Variants in ZNF85 observed in about 807,000 individuals in gnomAD.
ZNF85 encodes zinc finger protein 85, also known as zinc finger protein 85 (HPF4, HTF1).
ZNF85 carries 50 observed loss-of-function variants against 53.9 expected under a neutral mutation model. The ratio of observed to expected loss-of-function variants is 0.93; its 90% CI spans 0.74 to 1.17. ZNF85 has a LOEUF of 1.17. ZNF85 is among the 50% of genes most tolerant of loss of function. The pLI is 0.00. For missense variants in ZNF85, 747 were observed against 688.5 expected (o/e 1.08, Z -0.95); for synonymous variants, 225 against 226.1 (o/e 1.00, Z 0.04).
At chr19:20,946,331 A>G (rs908805873) in intron 3 of ZNF85, 4 of 430,620 alleles carry the variant, frequency 9.3e-6, no homozygotes, top group Admixed American at 5.1e-5. Flanking sequence ...CGTATGAGCT[A>G]TTGAGAAAGG....
chr19:20,947,488 C>CTTTTTTTT lies in ZNF85; in HGVS notation c.230-1234_230-1227dup, dbSNP rs768097517. On this transcript the variant is annotated intron_variant, in intron 3 of 3. Transcript: ENST00000328178. ...GTAGGGCATATGCAGTGCCAATACACTTTTTTTTTTTTTTTTTTTTTTTTT... is the reference window on the plus strand; with the variant it reads ...GTAGGGCATATGCAGTGCCAATACACTTTTTTTTTTTTTTTTTTTTTTTTTTTTTTTTT... 4.3e-4 allele frequency among the ~76,000 whole-genome samples: 22 copies of CTTTTTTTT among 51,636 alleles called. 3 individuals are homozygous for CTTTTTTTT. The highest frequency in any genetic ancestry group is 1.6e-3 in the African/African-American group (19 of 11,932). The allele number at this position is 51,636 out of a possible 152,430, so 33.9% of individuals were successfully genotyped here.
At chr19:20,943,625 G>T (rs2144658364) in intron 3 of ZNF85, 1 of 152,130 alleles carries the variant, frequency 6.6e-6, no homozygotes. Context: ...CTGTAACGTT[G>T]TCTAAGTTTT....
chr19:20,947,874 C>G (rs1973461232), intron 3 of ZNF85, among the ~76,000 whole-genome samples: 1 of 151,502 alleles, frequency 6.6e-6, no homozygotes, highest in East Asian at 1.9e-4. Flanking sequence ...TTCTATTTTC[C>G]TCACTGAATA....
At chr19:20,947,087 ATC>A (rs1973439313) in intron 3 of ZNF85, among the ~76,000 whole-genome samples, 1 of 151,642 alleles carries the variant, frequency 6.6e-6, no homozygotes, top group South Asian at 2.1e-4. Context: ...TTTCTTTTAT[ATC>A]TCTATACAGA....
At chr19:20,944,204 T>G (rs1973368795) in intron 3 of ZNF85, 1 of 152,140 alleles carries the variant, frequency 6.6e-6, no homozygotes, top group South Asian at 2.1e-4. Flanking sequence ...CATTTTATTT[T>G]TTAACATAAT....
At chr19:20,928,660 C>A (rs1024721418) in intron 1 of ZNF85, 4 of 152,330 alleles carry the variant, frequency 2.6e-5, no homozygotes, top group African/African-American at 9.6e-5. Context: ...ACAAGAGTGT[C>A]TACAAGTCTC....
At chr19:20,945,486 C>T (rs8113412) in intron 3 of ZNF85, 117,881 of 152,098 alleles carry the variant, frequency 0.78, 46,095 homozygotes, top group Non-Finnish European at 0.83. Context: ...ATTTTGTTTT[C>T]TGTTTTTTTG....
rs1340489257 is a variant in ZNF85 at position 20,923,410 on chromosome 19, G to A, written c.3+7G>A. The A allele has an allele frequency of 6.2e-7, 1 of 1,614,146 alleles. No homozygotes were observed. The highest frequency in any genetic ancestry group is 8.5e-7 in the Non-Finnish European group (1 of 1,180,004). On this transcript the variant is annotated splice_region_variant and intron_variant, in intron 1 of 3. Coordinates refer to ENST00000328178, the MANE Select transcript of ZNF85 (RefSeq NM_003429.5). The stretch of plus-strand genomic sequence containing the variant: ...CCCTGGAAGCCTAGAAATGGTGAGA[G>A]TGCCAGGTCCGCCATCCCGAGGGGG...
chr19:20,923,457 T>C, intron 1 of ZNF85, 54 bp downstream of exon 1: 1 of 1,612,572 alleles, frequency 6.2e-7, no homozygotes, highest in Non-Finnish European at 8.5e-7. Flanking sequence ...TTGAAACCGG[T>C]GGGAAGCGGC....
rs530891647 is a variant in ZNF85 at position 20,948,747 on chromosome 19, T to C, written c.233T>C (p.Met78Thr). 7.8e-6 allele frequency: 12 copies of C among 1,544,084 alleles called. No individual in the cohort carries two copies. Among genetic ancestry groups the C allele is most frequent in the Non-Finnish European group, 9.6e-6 (11 of 1,149,370 alleles). Residue 78 changes from methionine to threonine, a missense_variant, in exon 4 of 4, where the codon ATG becomes ACG. Transcript: ENST00000328178. ...TTGTCATTTTTGTTTCTTTCAGTTA[T>C]GTGTTCTCATTTTGCCCAAGACCTT... ...HEIMVAKPTV[M>T]CSHFAQDLWP...
In ZNF85 at chr19:20,931,608, CTTTTTCTTTTTCTT is replaced by C. The variant is rs1440976095; in HGVS notation, c.4-2410_4-2397del. Among the ~76,000 whole-genome samples the C allele has an allele frequency of 3.0e-3, 394 of 131,506 alleles. 1 individual carries two copies. The highest frequency in any genetic ancestry group is 0.027 in the South Asian group (113 of 4,204). The allele number at this position is 131,506 out of a possible 152,430, so 86.3% of individuals were successfully genotyped here. A position where few individuals can be genotyped will look rare whatever the true frequency, so the allele number is the denominator to read the frequency against. On this transcript the variant is annotated intron_variant, in intron 1 of 3. Coordinates refer to ENST00000328178, the MANE Select transcript of ZNF85 (RefSeq NM_003429.5). Reference sequence around the variant, plus strand: ...AGCAATGTGGCCATATTTTCTTTTTCTTTTTCTTTTTCTTTTTTTTTTTTTTTTTTTGAGGTGCA... The same window carrying C: ...AGCAATGTGGCCATATTTTCTTTTTCTTTTTTTTTTTTTTTTTGAGGTGCA...
At chr19:20,946,382 T>C (rs929145426) in intron 3 of ZNF85, 10 of 403,112 alleles carry the variant, frequency 2.5e-5, no homozygotes, top group Admixed American at 2.0e-4. Flanking sequence ...TCTATGCCTC[T>C]GTTAGAAGTA....
In ZNF85 at chr19:20,923,418, T is replaced by A. The variant is rs757636447; in HGVS notation, c.3+15T>A. ...GCCTAGAAATGGTGAGAGTGCCAGG[T>A]CCGCCATCCCGAGGGGGAAAGGGGT... On this transcript the variant is annotated intron_variant, in intron 1 of 3. Transcript: ENST00000328178. The A allele has an allele frequency of 5.1e-5, 83 of 1,613,856 alleles. No homozygotes were observed. Among genetic ancestry groups the A allele is most frequent in the Non-Finnish European group, 6.5e-5 (77 of 1,179,968 alleles).
At chr19:20,943,855 A>G (rs1260226418) in intron 3 of ZNF85, 1 of 152,302 alleles carries the variant, frequency 6.6e-6, no homozygotes, top group Non-Finnish European at 1.5e-5. Flanking sequence ...ACTATTGTAT[A>G]ATATCAGTCT....
rs1972802346 is a variant in ZNF85 at position 20,923,409 on chromosome 19, A to G, written c.3+6A>G. The G allele has an allele frequency of 5.0e-6, 8 of 1,613,990 alleles. No individual in the cohort carries two copies. Among genetic ancestry groups the G allele is most frequent in the African/African-American group, 1.3e-5 (1 of 74,904 alleles). On this transcript the variant is annotated splice_donor_region_variant and intron_variant, in intron 1 of 3. Coordinates refer to ENST00000328178, the MANE Select transcript of ZNF85 (RefSeq NM_003429.5). ...CCCCTGGAAGCCTAGAAATGGTGAGAGTGCCAGGTCCGCCATCCCGAGGGG... is the reference window on the plus strand; with the variant it reads ...CCCCTGGAAGCCTAGAAATGGTGAGGGTGCCAGGTCCGCCATCCCGAGGGG...
intron 3 of ZNF85, among the ~76,000 whole-genome samples, chr19:20,947,517 T>TTA (rs1973451869): frequency 7.3e-6 from 1 of 137,676 alleles, no homozygotes; most frequent in Non-Finnish European, 1.6e-5. Context: ...TTTTTTTTTT[T>TTA]ACTAATTTCA....
chr19:20,931,859 G>A (rs556545575), intron 1 of ZNF85, among the ~76,000 whole-genome samples: 106 of 152,030 alleles, frequency 7.0e-4, no homozygotes, highest in Admixed American at 2.5e-3. Context: ...TGCCTGCCTC[G>A]GCCTCCCAAA....
At position 20,950,397 on chromosome 19, in the gene ZNF85, A is replaced by G; in HGVS notation, c.*95A>G. 1 of 874,480 alleles carries G rather than the reference A, an allele frequency of 1.1e-6. No homozygotes were observed. The highest frequency in any genetic ancestry group is 1.7e-5 in the African/African-American group (1 of 58,370). 54.2% of individuals were successfully genotyped at this position (874,480 alleles called of 1,614,324 possible). ...CTACTAACCTGAAAGATGTGACAAT[A>G]ATTTTGACAACACCTCAGACTTATA... On this transcript the variant is annotated 3_prime_UTR_variant, in exon 4 of 4. Coordinates refer to ENST00000328178, the MANE Select transcript of ZNF85 (RefSeq NM_003429.5).
At chr19:20,941,961 C>G (rs1322413986) in intron 3 of ZNF85, among the ~76,000 whole-genome samples, 1 of 151,914 alleles carries the variant, frequency 6.6e-6, no homozygotes, top group African/African-American at 2.4e-5. Flanking sequence ...GGATATAATC[C>G]ATCTTCATCT....
Sources: gnomAD v4.1 joint callset for allele counts (sites outside exome capture counted in the v4.1 genomes callset) on GRCh38, gnomAD v4.1.1 for gene constraint, MANE v1.5 for transcripts, NCBI Gene and HGNC (gene_info 2026-07-23, HGNC 2026-07-21) for gene names.